Variants in TDRD12 observed in about 807,000 individuals in gnomAD.
TDRD12 encodes the protein tudor domain containing 12, also known as putative ATP-dependent RNA helicase TDRD12.
A neutral mutation model predicts 133.5 loss-of-function variants in TDRD12; 158 were observed. That is an observed-to-expected ratio of 1.18 (90% CI 1.04 to 1.35). TDRD12 has a LOEUF of 1.35. Among genes scored for constraint, TDRD12 ranks in the 40% most tolerant of loss-of-function variants. The pLI, the probability that TDRD12 is intolerant of heterozygous loss-of-function variation, is 0.00. For synonymous variants in TDRD12, 460 were observed against 477.9 expected (o/e 0.96, Z 0.49); for missense variants, 1,443 against 1,321.3 (o/e 1.09, Z -1.43).
intron 8 of TDRD12, among the ~76,000 whole-genome samples, chr19:32,765,443 T>C (rs930042838): frequency 6.6e-6 from 1 of 152,230 alleles, no homozygotes; most frequent in Admixed American, 6.5e-5. Flanking sequence ...TGCACACATA[T>C]GTTTATTGCG....
chr19:32,826,012 G>T, downstream of TDRD12: 1 of 956,522 alleles, frequency 1.0e-6, no homozygotes. Flanking sequence ...GTTGCATAAG[G>T]TACAAAAAAG....
chr19:32,789,347 A>G (rs1437678672), intron 11 of TDRD12, among the ~76,000 whole-genome samples: 1 of 152,086 alleles, frequency 6.6e-6, no homozygotes, highest in African/African-American at 2.4e-5. Context: ...TTTCAAGTGT[A>G]CAATTCAGTG....
exon 9 of TDRD12, chr19:32,772,791 T>G: frequency 1.2e-5 from 18 of 1,517,494 alleles, no homozygotes; most frequent in Non-Finnish European, 1.5e-5. Flanking sequence ...ATTGAGAGAT[T>G]CACCTAAAGA....
chr19:32,740,723 A>G (rs923455077), intron 3 of TDRD12, among the ~76,000 whole-genome samples: 3 of 151,920 alleles, frequency 2.0e-5, no homozygotes, highest in Non-Finnish European at 4.4e-5. Flanking sequence ...CTCTCTCCAC[A>G]GAAGGGGGGT....
intron 8 of TDRD12, among the ~76,000 whole-genome samples, chr19:32,771,928 T>G (rs963986295): frequency 7.2e-5 from 11 of 152,212 alleles, no homozygotes; most frequent in Admixed American, 1.3e-4. Flanking sequence ...TGTGTTCCTT[T>G]TATTAATAGT....
chr19:32,728,807 G>A (rs1179521971), intron 1 of TDRD12, among the ~76,000 whole-genome samples: 3 of 126,676 alleles, frequency 2.4e-5, no homozygotes, highest in Non-Finnish European at 4.8e-5. Flanking sequence ...CACCACACCT[G>A]GCTATTTTTT....
At chr19:32,747,900 A>G (rs1443404356) in intron 4 of TDRD12, among the ~76,000 whole-genome samples, 1 of 152,092 alleles carries the variant, frequency 6.6e-6, no homozygotes, top group Non-Finnish European at 1.5e-5. Flanking sequence ...CTGTAGTCCT[A>G]GCTACTCAGG....
chr19:32,825,009 C>A (rs1240494235), downstream of TDRD12, among the ~76,000 whole-genome samples: 1 of 152,098 alleles, frequency 6.6e-6, no homozygotes, highest in Non-Finnish European at 1.5e-5. The surrounding 1 kb of genome is among the most constrained non-coding windows in gnomAD (Gnocchi z 4.1). Flanking sequence ...TCCTTCGCAC[C>A]CTAGCTTCAC....
In TDRD12 at chr19:32,797,690, T is replaced by C. The variant is rs191404256; in HGVS notation, c.1474-45T>C. On this transcript the variant is annotated intron_variant, in intron 14 of 27. Transcript: ENST00000444215. The stretch of plus-strand genomic sequence containing the variant: ...TTGATGTTTCATATGGATGCTGAAT[T>C]CCTAACTACTGTCTGGAGTCATTTG... 5.0e-6 allele frequency: 3 copies of C among 599,846 alleles called. No individual in the cohort carries two copies. In the East Asian group the frequency reaches 8.4e-5, roughly 17 times the overall value. The allele number at this position is 599,846 out of a possible 1,614,324, so 37.2% of individuals were successfully genotyped here.
At chr19:32,745,169 C>G (rs1333696538) in intron 4 of TDRD12, among the ~76,000 whole-genome samples, 1 of 152,222 alleles carries the variant, frequency 6.6e-6, no homozygotes, top group Admixed American at 6.5e-5. Flanking sequence ...GCCCACTGCC[C>G]ACCCTTCAGG....
intron 11 of TDRD12, among the ~76,000 whole-genome samples, chr19:32,777,618 A>G (rs1335000894): frequency 2.6e-5 from 4 of 151,550 alleles, no homozygotes; most frequent in Non-Finnish European, 4.4e-5. Context: ...CCTTGATTTC[A>G]TACTTGTGTA....
intron 21 of TDRD12, among the ~76,000 whole-genome samples, chr19:32,806,444 G>A (rs1971553321): frequency 6.7e-6 from 1 of 148,982 alleles, no homozygotes; most frequent in Non-Finnish European, 1.5e-5. Flanking sequence ...CCGTGTTCAA[G>A]CAGTTCTTGT....
chr19:32,773,128 G>A (rs1304372245), intron 9 of TDRD12, among the ~76,000 whole-genome samples: 1 of 152,164 alleles, frequency 6.6e-6, no homozygotes, highest in African/African-American at 2.4e-5. Context: ...TGAAAATCTG[G>A]GATTCCAGGG....
intron 13 of TDRD12, among the ~76,000 whole-genome samples, chr19:32,793,647 A>T (rs1971134314): frequency 6.6e-6 from 1 of 152,212 alleles, no homozygotes; most frequent in African/African-American, 2.4e-5. Context: ...TCTATCTTTT[A>T]AAAAGCTTTA....
chr19:32,801,203 GAA>G (rs752620387), intron 18 of TDRD12, among the ~76,000 whole-genome samples: 2 of 102,134 alleles, frequency 2.0e-5, no homozygotes, highest in African/African-American at 3.6e-5. Flanking sequence ...CTGTCTCTAC[GAA>G]AAAAAAAAAA....
chr19:32,745,078 C>G (rs1385963801), intron 4 of TDRD12, among the ~76,000 whole-genome samples: 4 of 152,226 alleles, frequency 2.6e-5, no homozygotes, highest in African/African-American at 7.2e-5. Flanking sequence ...CCAGCCCCCC[C>G]CACTACTCAC....
At chr19:32,806,534 G>A (rs1025666811) in intron 21 of TDRD12, among the ~76,000 whole-genome samples, 1 of 151,764 alleles carries the variant, frequency 6.6e-6, no homozygotes, top group Admixed American at 6.6e-5. Context: ...GTAGAGATGG[G>A]GTTCGCCATG....
At chr19:32,731,865 A>G in exon 2 of TDRD12, 1 of 1,546,986 alleles carries the variant, frequency 6.5e-7, no homozygotes, top group South Asian at 1.2e-5. Flanking sequence ...TAAAACCCTT[A>G]ACATTGGAAG....
chr19:32,770,055 C>T (rs1970404442), intron 8 of TDRD12, among the ~76,000 whole-genome samples: 3 of 150,654 alleles, frequency 2.0e-5, no homozygotes, highest in Non-Finnish European at 4.4e-5. Flanking sequence ...TGCAGTGGCT[C>T]ACTGCAGGCA....
Sources: allele counts gnomAD v4.1 joint callset (sites outside exome capture counted in the v4.1 genomes callset), GRCh38; gene constraint gnomAD v4.1.1; non-coding constraint Gnocchi (gnomAD v3.1); transcripts MANE v1.5; gene names NCBI Gene and HGNC (gene_info 2026-07-23, HGNC 2026-07-21).